NTN4: variants seen among roughly 807,000 people sequenced by gnomAD.
NTN4 encodes netrin 4.
A neutral mutation model predicts 73.6 loss-of-function variants in NTN4; 32 were observed. That is an observed-to-expected ratio of 0.44 (90% CI 0.33 to 0.58). The LOEUF (loss-of-function observed/expected upper bound fraction) is 0.58. NTN4 is among the 20% of genes least tolerant of loss of function. The probability of loss-of-function intolerance (pLI) is 0.04; values close to 1 mark genes in which losing one functional copy is unlikely to be tolerated. For missense variants in NTN4, 654 were observed against 798.3 expected (o/e 0.82, Z 2.18); for synonymous variants, 258 against 287.5 (o/e 0.90, Z 1.04).
intron 2 of NTN4, among the ~76,000 whole-genome samples, chr12:95,745,299 G>A (rs964665176): frequency 3.3e-5 from 5 of 152,062 alleles, no homozygotes; most frequent in Non-Finnish European, 7.4e-5. Context: ...CAAATTGCCT[G>A]AAGCTGTCCC....
chr12:95,746,269 G>A (rs1052071540), intron 2 of NTN4, among the ~76,000 whole-genome samples: 4 of 152,008 alleles, frequency 2.6e-5, no homozygotes, highest in Non-Finnish European at 4.4e-5. Context: ...AAAGCCCCGC[G>A]TCTATCACCT....
intron 1 of NTN4, among the ~76,000 whole-genome samples, chr12:95,787,846 C>T (rs112521017): frequency 3.0e-4 from 45 of 152,286 alleles, no homozygotes; most frequent in Non-Finnish European, 3.5e-4. Context: ...ATTTCAAATA[C>T]ATTGATGTGT....
intron 5 of NTN4, among the ~76,000 whole-genome samples, chr12:95,694,495 G>A (rs1462663007): frequency 2.0e-5 from 3 of 152,170 alleles, no homozygotes; most frequent in Non-Finnish European, 4.4e-5. Context: ...GGACTTAAGG[G>A]AGATGATTTC....
At chr12:95,680,607 A>G (rs1350149875) in intron 7 of NTN4, among the ~76,000 whole-genome samples, 1 of 152,220 alleles carries the variant, frequency 6.6e-6, no homozygotes, top group African/African-American at 2.4e-5. Flanking sequence ...ATGGCAAACA[A>G]ACGAGAGAAT....
At chr12:95,697,980 C>A in intron 5 of NTN4, among the ~76,000 whole-genome samples, 1 of 152,166 alleles carries the variant, frequency 6.6e-6, no homozygotes, top group East Asian at 1.9e-4. Context: ...CTAAACACTA[C>A]AGTATAACAA....
Position 95,683,603 on chromosome 12 carries a change from C to A in NTN4, c.1289G>T (p.Arg430Leu). 6.2e-7 allele frequency: 1 copy of A among 1,614,192 alleles called. No individual in the cohort carries two copies. The highest frequency in any genetic ancestry group is 8.5e-7 in the Non-Finnish European group (1 of 1,180,036). Residue 430 changes from arginine to leucine, a missense_variant, in exon 6 of 10, where the codon CGT becomes CTT. Physicochemically the swap from Arg to Leu is moderately radical, Grantham distance 102. Coordinates refer to ENST00000343702, the MANE Select transcript of NTN4 (RefSeq NM_021229.4). ...GTATCCCACCATGCACCTGTCACAA[C>A]GTCGCCCTGCCACCCCAGGCTTGCA... ...CPCKPGVAGRRCDRCMVGYWG... is the reference protein window; with the variant it reads ...CPCKPGVAGRLCDRCMVGYWG...
intron 5 of NTN4, among the ~76,000 whole-genome samples, chr12:95,708,955 G>A (rs2078541825): frequency 6.6e-6 from 1 of 152,106 alleles, no homozygotes; most frequent in African/African-American, 2.4e-5. Flanking sequence ...TACAAACAAG[G>A]AGCAGGAGTA....
rs1045547580 is a variant in NTN4, at chr12:95,675,113, CA to C, written c.1511-4968del. ...AATTCCAGACTACATAGCATTAAGGCAAAAAAAATTCATAGTAAAGACTTGT... is the reference window on the plus strand; with the variant it reads ...AATTCCAGACTACATAGCATTAAGGCAAAAAAATTCATAGTAAAGACTTGT... On this transcript the variant is annotated intron_variant, in intron 7 of 9. Coordinates refer to ENST00000343702, the MANE Select transcript of NTN4 (RefSeq NM_021229.4). 1.5e-3 allele frequency among the ~76,000 whole-genome samples: 225 copies of C among 151,620 alleles called. 1 individual carries two copies. Among genetic ancestry groups the C allele is most frequent in the East Asian group, 7.7e-4 (4 of 5,180 alleles).
chr12:95,681,391 A>G (rs2078315049), intron 7 of NTN4, among the ~76,000 whole-genome samples: 1 of 152,202 alleles, frequency 6.6e-6, no homozygotes, highest in South Asian at 2.1e-4. Flanking sequence ...TTTATAACCT[A>G]AATGAGAATA....
At chr12:95,670,603 C>A (rs2078219554) in intron 7 of NTN4, 1 of 152,584 alleles carries the variant, frequency 6.6e-6, no homozygotes, top group Non-Finnish European at 1.5e-5. Context: ...TTATTGAGCA[C>A]TTTTGGTATG....
chr12:95,753,611 G>C (rs189292587), intron 2 of NTN4, among the ~76,000 whole-genome samples: 14,620 of 144,706 alleles, frequency 0.1, 1,016 homozygotes, highest in Admixed American at 0.19. Context: ...TTTTCAGGCT[G>C]TTAGTATTCA....
chr12:95,718,273 G>GA (rs2078622195), intron 3 of NTN4, among the ~76,000 whole-genome samples: 1 of 152,306 alleles, frequency 6.6e-6, no homozygotes, highest in South Asian at 2.1e-4. Context: ...GACTTGCCTA[G>GA]AAAAGCTGCT....
chr12:95,686,821 G>A (rs1592664678), intron 5 of NTN4, among the ~76,000 whole-genome samples: 1 of 151,964 alleles, frequency 6.6e-6, no homozygotes, highest in Non-Finnish European at 1.5e-5. Flanking sequence ...TTCCAGCTCA[G>A]TCTTTAGACA....
chr12:95,708,143 G>A (rs947472681), intron 5 of NTN4, among the ~76,000 whole-genome samples: 1 of 151,862 alleles, frequency 6.6e-6, no homozygotes, highest in Admixed American at 6.6e-5. Flanking sequence ...TTTAAATAAG[G>A]TATTTTTGAT....
In NTN4 at chr12:95,787,152, T is replaced by C; in HGVS notation, c.372A>G (p.Glu124=). The change falls in exon 2 of 10, where the codon GAA becomes GAG. Residue 124 remains glutamate (E), a synonymous_variant. Coordinates refer to ENST00000343702, the MANE Select transcript of NTN4 (RefSeq NM_021229.4). Reference sequence around the variant, plus strand: ...TCACAATTAGGTGAGTGAAGTAGAATTCAGCTTCCAGGTCTAACTGGATCT... The same window carrying C: ...TCACAATTAGGTGAGTGAAGTAGAACTCAGCTTCCAGGTCTAACTGGATCT... The part of the protein sequence containing the change: ...REKIQLDLEA[E]FYFTHLIVMF... The C allele has an allele frequency of 6.2e-7, 1 of 1,614,190 alleles. No homozygotes were observed. The highest frequency in any genetic ancestry group is 1.1e-5 in the South Asian group (1 of 91,084).
chr12:95,674,354 G>C (rs572205401), intron 7 of NTN4, among the ~76,000 whole-genome samples: 1 of 152,256 alleles, frequency 6.6e-6, no homozygotes, highest in African/African-American at 2.4e-5. Flanking sequence ...TAGGTCTATT[G>C]TTTGATGACC....
chr12:95,691,137 C>T (rs891384193), intron 5 of NTN4, among the ~76,000 whole-genome samples: 1 of 152,256 alleles, frequency 6.6e-6, no homozygotes, highest in African/African-American at 2.4e-5. Context: ...GCATACTTAT[C>T]TCCTGAAGCT....
Position 95,658,153 on chromosome 12 carries a change from C to CA in NTN4, c.*932dup, listed in dbSNP as rs1303505784. On this transcript the variant is annotated 3_prime_UTR_variant, in exon 10 of 10. Coordinates refer to ENST00000343702, the MANE Select transcript of NTN4 (RefSeq NM_021229.4). Reference sequence around the variant, plus strand: ...TTAAATACTAAGCACAAAAATATAACAAATTCTGTGTCTACAATAATTTTT... The same window carrying CA: ...TTAAATACTAAGCACAAAAATATAACAAAATTCTGTGTCTACAATAATTTTT... 2.0e-5 allele frequency: 3 copies of CA among 152,240 alleles called. No individual in the cohort carries two copies. Among genetic ancestry groups the CA allele is most frequent in the Admixed American group, 2.0e-4 (3 of 15,278 alleles). The allele number at this position is 152,240 out of a possible 1,614,324, so 9.4% of individuals were successfully genotyped here. A position where few individuals can be genotyped will look rare whatever the true frequency, so the allele number is the denominator to read the frequency against.
At chr12:95,786,821 G>A (rs2121307562) in intron 2 of NTN4, 118 bp downstream of exon 2, 1 of 793,694 alleles carries the variant, frequency 1.3e-6, no homozygotes, top group East Asian at 2.6e-5. Context: ...TAAATCTCAT[G>A]AAAAATTCTA....
Sources: allele counts gnomAD v4.1 joint callset (sites outside exome capture counted in the v4.1 genomes callset), GRCh38; gene constraint gnomAD v4.1.1; transcripts MANE v1.5; gene names NCBI Gene and HGNC (gene_info 2026-07-23, HGNC 2026-07-21).